LRBA: variants seen among roughly 807,000 people sequenced by gnomAD.
LRBA encodes lipopolysaccharide-responsive and beige-like anchor protein.
Under a neutral mutation model 330.0 loss-of-function variants are expected in LRBA, and 176 were observed. The ratio of observed to expected loss-of-function variants is 0.53; its 90% confidence interval spans 0.47 to 0.60. The LOEUF (loss-of-function observed/expected upper bound fraction) is 0.60. Among genes scored for constraint, LRBA ranks in the 20% least tolerant of loss-of-function variants. The pLI is 0.00. For synonymous variants in LRBA, 1,230 were observed against 1,193.0 expected (o/e 1.03, Z -0.64); for missense variants, 3,259 against 3,444.8 (o/e 0.95, Z 1.35).
chr4:150,364,125 A>G (rs1739099797), intron 47 of LRBA, among the ~76,000 whole-genome samples: 1 of 152,226 alleles, frequency 6.6e-6, no homozygotes. Context: ...AGACAGATGC[A>G]AATGATATCC....
intron 28 of LRBA, chr4:150,840,463 T>C (rs1401105303): frequency 6.6e-6 from 1 of 152,194 alleles, no homozygotes; most frequent in Non-Finnish European, 1.5e-5. Flanking sequence ...CTCATTTCAA[T>C]ATTGTTGTGT....
chr4:150,496,258 AAAGT>A (rs1412356823), intron 40 of LRBA, among the ~76,000 whole-genome samples: 2 of 152,072 alleles, frequency 1.3e-5, no homozygotes, highest in Non-Finnish European at 2.9e-5. Context: ...ATTCTTAGTA[AAAGT>A]AAGGCATTTT....
intron 36 of LRBA, among the ~76,000 whole-genome samples, chr4:150,693,543 G>C (rs1314768060): frequency 9.2e-6 from 1 of 108,432 alleles, no homozygotes; most frequent in Non-Finnish European, 1.7e-5. Context: ...CAGCCTGGGT[G>C]ACAGAGCGAG....
At chr4:150,297,039 T>C (rs4696085) in intron 53 of LRBA, among the ~76,000 whole-genome samples, 1 of 152,008 alleles carries the variant, frequency 6.6e-6, no homozygotes, top group Non-Finnish European at 1.5e-5. Flanking sequence ...ATTTCCCATA[T>C]GAGCATAAAG....
At chr4:150,868,060 CTT>C (rs1329126507) in intron 21 of LRBA, 120 bp downstream of exon 21, 2 of 1,093,832 alleles carry the variant, frequency 1.8e-6, no homozygotes, top group Non-Finnish European at 2.6e-6. Flanking sequence ...TTTACATACT[CTT>C]AATAAAAAAA....
intron 36 of LRBA, among the ~76,000 whole-genome samples, chr4:150,692,601 G>GCAAATAGC (rs779337800): frequency 6.6e-6 from 1 of 152,110 alleles, no homozygotes; most frequent in Non-Finnish European, 1.5e-5. Context: ...GGCTCATATA[G>GCAAATAGC]CAAATAGGTA....
rs199588115 is a variant in LRBA, at chr4:150,970,555, G to A, written c.217-41490C>T. The stretch of plus-strand genomic sequence containing the variant: ...TGTGTGTGTGTGTGTGTGTGTGTGT[G>A]TACACACACACACACACACACACAC... On this transcript the variant is annotated intron_variant, in intron 2 of 56. Coordinates refer to ENST00000651943, the MANE Select transcript of LRBA (RefSeq NM_001364905.1). The A allele has an allele frequency of 5.1e-3, 51 of 9,930 alleles. No individual in the cohort carries two copies. In the South Asian group the frequency reaches 0.07, roughly 14 times the overall value. The allele number at this position is 9,930 out of a possible 1,614,324, so 0.6% of individuals were successfully genotyped here. A position where few individuals can be genotyped will look rare whatever the true frequency, so the allele number is the denominator to read the frequency against.
chr4:150,489,183 A>T (rs1157752630), intron 41 of LRBA, among the ~76,000 whole-genome samples: 1 of 124,616 alleles, frequency 8.0e-6, no homozygotes, highest in Non-Finnish European at 1.6e-5. Context: ...ATAAGTATAT[A>T]ATATATTATA....
At chr4:150,299,786 T>A (rs1729423494) in intron 53 of LRBA, among the ~76,000 whole-genome samples, 1 of 152,022 alleles carries the variant, frequency 6.6e-6, no homozygotes, top group Non-Finnish European at 1.5e-5. Context: ...CTTTTATCTA[T>A]TTTCCCTTCA....
At position 150,844,211 on chromosome 4, in the gene LRBA, T is replaced by C. The variant is rs778228795; in HGVS notation, c.4462-4A>G. On this transcript the variant is annotated splice_region_variant and splice_polypyrimidine_tract_variant and intron_variant, in intron 27 of 56. Transcript: ENST00000651943. Reference sequence around the variant, plus strand: ...CAGTCACAATGTCCACTGGGCTCTATTTAAGATTAAAAAAAAATTGTATAT... The same window carrying C: ...CAGTCACAATGTCCACTGGGCTCTACTTAAGATTAAAAAAAAATTGTATAT... The C allele has an allele frequency of 2.0e-6, 3 of 1,523,548 alleles. No homozygotes were observed. Among genetic ancestry groups the C allele is most frequent in the Non-Finnish European group, 2.7e-6 (3 of 1,110,464 alleles). The allele number at this position is 1,523,548 out of a possible 1,614,324, so 94.4% of individuals were successfully genotyped here. A position where few individuals can be genotyped will look rare whatever the true frequency, so the allele number is the denominator to read the frequency against.
rs560702228 is a variant in LRBA, at chr4:150,899,582, G to A, written c.1924+467C>T. On this transcript the variant is annotated intron_variant, in intron 14 of 56. Transcript: ENST00000651943. ...TGAATGAATATTACCCTTTCAGCAA[G>A]TTAGTCCTCATTATGTAAGAAAATA... Among the ~76,000 whole-genome samples the A allele has an allele frequency of 4.6e-5, 7 of 152,236 alleles. No homozygotes were observed. In the South Asian group the frequency reaches 1.2e-3, roughly 27 times the overall value.
chr4:150,424,572 T>TGGACA (rs999542958), intron 46 of LRBA, among the ~76,000 whole-genome samples: 1 of 152,236 alleles, frequency 6.6e-6, no homozygotes, highest in Admixed American at 6.5e-5. Context: ...CATGGTGCCT[T>TGGACA]GGACAGGACA....
chr4:150,266,199 T>C (rs1324005491), intron 56 of LRBA, among the ~76,000 whole-genome samples: 3 of 152,068 alleles, frequency 2.0e-5, no homozygotes, highest in African/African-American at 7.2e-5. Context: ...AACCACAATC[T>C]CAAAGTAACT....
At chr4:150,944,177 G>C (rs929676758) in intron 2 of LRBA, among the ~76,000 whole-genome samples, 11 of 152,296 alleles carry the variant, frequency 7.2e-5, no homozygotes, top group Middle Eastern at 3.4e-3. Context: ...AAACTGAGCT[G>C]ATAAATGTTT....
rs139390194 is a variant in LRBA, at chr4:150,903,870, T to C, written c.1755+1968A>G. Among the ~76,000 whole-genome samples the C allele has an allele frequency of 3.3e-5, 5 of 152,336 alleles. No homozygotes were observed. The East Asian group carries it at 9.7e-4, about 29-fold the overall frequency. On this transcript the variant is annotated intron_variant, in intron 13 of 56. Coordinates refer to ENST00000651943, the MANE Select transcript of LRBA (RefSeq NM_001364905.1). ...GCCACACAAATTGTGTGTTAACATC[T>C]GTCTTTCCCACTAAATCTAAATTCT...
At chr4:150,462,659 GA>G (rs1391994068) in intron 44 of LRBA, among the ~76,000 whole-genome samples, 1 of 151,626 alleles carries the variant, frequency 6.6e-6, no homozygotes, top group Non-Finnish European at 1.5e-5. Context: ...AAAGTCCTCT[GA>G]AAAACAGCTT....
At chr4:150,280,369 A>G (rs911307216) in intron 55 of LRBA, among the ~76,000 whole-genome samples, 1 of 152,206 alleles carries the variant, frequency 6.6e-6, no homozygotes, top group African/African-American at 2.4e-5. Context: ...GGCCACAGCA[A>G]TCTGCTGGGG....
chr4:150,276,507 G>A lies in LRBA; in HGVS notation c.8468+1346C>T, dbSNP rs189415887. 5.3e-5 allele frequency among the ~76,000 whole-genome samples: 8 copies of A among 152,094 alleles called. No individual in the cohort carries two copies. In the East Asian group the frequency reaches 1.6e-3, roughly 29 times the overall value. On this transcript the variant is annotated intron_variant, in intron 56 of 56. Coordinates refer to ENST00000651943, the MANE Select transcript of LRBA (RefSeq NM_001364905.1). ...TGAACAGGTAGGCTACAGAATTGGA[G>A]AAAATTTTTGCAATCTATCCAACTG...
intron 56 of LRBA, among the ~76,000 whole-genome samples, chr4:150,277,102 G>A (rs1220285917): frequency 6.6e-6 from 1 of 152,282 alleles, no homozygotes; most frequent in East Asian, 1.9e-4. Flanking sequence ...CCATACAAAA[G>A]AATGAGTTCA....
Sources: gnomAD v4.1 joint callset for allele counts (sites outside exome capture counted in the v4.1 genomes callset) on GRCh38, gnomAD v4.1.1 for gene constraint, MANE v1.5 for transcripts, NCBI Gene and HGNC (gene_info 2026-07-23, HGNC 2026-07-21) for gene names.